The following STYXL1 variants were observed in gnomAD, a reference collection of about 807,000 sequenced individuals.
STYXL1 encodes the protein serine/threonine/tyrosine-interacting-like protein 1.
STYXL1 carries 32 observed loss-of-function variants against 36.4 expected under a neutral mutation model. The ratio of observed to expected loss-of-function variants is 0.88; its 90% CI spans 0.66 to 1.18. The LOEUF (loss-of-function observed/expected upper bound fraction) is 1.18. STYXL1 is among the 50% of genes most tolerant of loss of function. The probability of loss-of-function intolerance (pLI) is 0.00; values close to 1 mark genes in which losing one functional copy is unlikely to be tolerated. For missense variants in STYXL1, 354 were observed against 394.1 expected, an observed-to-expected ratio of 0.90 and a Z score of 0.86; for synonymous variants, 133 against 144.1, an observed-to-expected ratio of 0.92 and a Z score of 0.55.
intron 5 of STYXL1, among the ~76,000 whole-genome samples, chr7:76,010,868 G>A (rs781989861): frequency 5.1e-4 from 77 of 152,244 alleles, no homozygotes; most frequent in Admixed American, 1.0e-3. Context: ...ACATTAAACC[G>A]CCCTAGCTTC....
chr7:76,040,010 G>A (rs937943014), intron 1 of STYXL1, among the ~76,000 whole-genome samples: 1 of 152,132 alleles, frequency 6.6e-6, no homozygotes, highest in Non-Finnish European at 1.5e-5. Context: ...AGATCCAGCC[G>A]TCCACATCCC....
At chr7:76,015,563 T>C (rs1451732142) in intron 4 of STYXL1, among the ~76,000 whole-genome samples, 1 of 152,172 alleles carries the variant, frequency 6.6e-6, no homozygotes, top group Non-Finnish European at 1.5e-5. Flanking sequence ...CAAGAAAAAC[T>C]ACCAGAGTAA....
chr7:76,002,418 C>T (rs1005179189), intron 7 of STYXL1, among the ~76,000 whole-genome samples: 12 of 152,118 alleles, frequency 7.9e-5, no homozygotes, highest in South Asian at 2.1e-4. Context: ...TGAAGAAGGA[C>T]GCAGAGATGA....
chr7:76,021,238 T>C (rs1030908640), intron 4 of STYXL1, among the ~76,000 whole-genome samples: 25 of 152,206 alleles, frequency 1.6e-4, no homozygotes, highest in African/African-American at 3.9e-4. Context: ...CCTGCCACCA[T>C]GCCCGGCTAA....
In STYXL1 at chr7:75,996,461, GAGA is replaced by G. The variant is rs782555055; in HGVS notation, c.*4_*6del. 1.3e-5 allele frequency: 21 copies of G among 1,614,192 alleles called. 1 individual carries two copies. The highest frequency in any genetic ancestry group is 1.1e-5 in the Non-Finnish European group (13 of 1,180,024). On this transcript the variant is annotated 3_prime_UTR_variant, in exon 9 of 9. Coordinates refer to ENST00000359697, the MANE Select transcript of STYXL1 (RefSeq NM_001317785.2). ...CTTCAGTACCCTTCGGTGGGCCTCGGAGAAGATCAGTAGAGCGGATCCATGATG... is the reference window on the plus strand; with the variant it reads ...CTTCAGTACCCTTCGGTGGGCCTCGGAGATCAGTAGAGCGGATCCATGATG...
In STYXL1 at chr7:76,013,759, T is replaced by C; in HGVS notation, c.436A>G (p.Ile146Val). Reference protein sequence around the residue: ...GTYHFLRTQKIIWMPQELDAF... With the variant: ...GTYHFLRTQKVIWMPQELDAF... Reference sequence around the variant, plus strand: ...GGCCCTACCTGAGGCATCCAGATGATCTTCTGGGTCCGGAGAAAGTGGTAC... The same window carrying C: ...GGCCCTACCTGAGGCATCCAGATGACCTTCTGGGTCCGGAGAAAGTGGTAC... Residue 146 changes from isoleucine to valine, a missense_variant, in exon 5 of 9, where the codon ATC (isoleucine) becomes GTC (valine). By Grantham distance (29) the Ile-to-Val change is conservative. Coordinates refer to ENST00000359697, the MANE Select transcript of STYXL1 (RefSeq NM_001317785.2). The C allele has an allele frequency of 6.2e-7, 1 of 1,613,876 alleles. No homozygotes were observed. The highest frequency in any genetic ancestry group is 8.5e-7 in the Non-Finnish European group (1 of 1,179,922).
chr7:76,003,825 G>A lies in STYXL1; in HGVS notation c.630C>T (p.His210=). ...CTTCCGGGGAATCTTCTATCCGGAT[G>A]TGCAGAAGCTTGTCAGCATCGCCTG... ...FFAGDADKLL[H]IRIEDSPEAQ... is the part of the protein sequence containing the mutation. The change falls in exon 7 of 9, where the codon CAC becomes CAT. Residue 210 remains histidine, a synonymous_variant. Transcript: ENST00000359697. The A allele has an allele frequency of 1.2e-6, 2 of 1,614,236 alleles. No homozygotes were observed. Among genetic ancestry groups the A allele is most frequent in the African/African-American group, 1.3e-5 (1 of 75,064 alleles).
At chr7:76,019,927 C>CAAAAAAAA (rs58018497) in intron 4 of STYXL1, among the ~76,000 whole-genome samples, 1 of 82,344 alleles carries the variant, frequency 1.2e-5, no homozygotes. Context: ...GACCCTGACT[C>CAAAAAAAA]AAAAAAAAAA....
chr7:76,043,927 A>C (rs549066200), intron 1 of STYXL1: 1 of 152,346 alleles, frequency 6.6e-6, no homozygotes, highest in African/African-American at 2.4e-5. Context: ...TGTCCTAGTA[A>C]CCAGACACAA....
At chr7:76,018,673 T>A (rs1554574806) in intron 4 of STYXL1, among the ~76,000 whole-genome samples, 1 of 152,196 alleles carries the variant, frequency 6.6e-6, no homozygotes, top group Non-Finnish European at 1.5e-5. Context: ...TTACAGGCAT[T>A]ATTAGCCACA....
chr7:76,040,576 C>T (rs1173589243), intron 1 of STYXL1, among the ~76,000 whole-genome samples: 1 of 152,156 alleles, frequency 6.6e-6, no homozygotes. Flanking sequence ...CGGTGGCTCA[C>T]GCCTGCAATC....
intron 3 of STYXL1, among the ~76,000 whole-genome samples, chr7:76,022,520 C>T (rs1279030841): frequency 7.9e-5 from 12 of 151,996 alleles, no homozygotes; most frequent in African/African-American, 2.7e-4. Context: ...TACAAAAATG[C>T]CAGGCATAGT....
chr7:76,046,671 G>C (rs1221971396), intron 1 of STYXL1, among the ~76,000 whole-genome samples: 2 of 119,820 alleles, frequency 1.7e-5, no homozygotes, highest in Non-Finnish European at 3.4e-5. Context: ...TTTTGAGACA[G>C]AGTCTTTCTC....
chr7:76,047,999 G>C lies in STYXL1; in HGVS notation c.-342C>G. 1 of 1,497,608 alleles carries C rather than the reference G, an allele frequency of 6.7e-7. No homozygotes were observed. Among genetic ancestry groups the C allele is most frequent in the Non-Finnish European group, 8.9e-7 (1 of 1,124,598 alleles). The allele number at this position is 1,497,608 out of a possible 1,614,324, so 92.8% of individuals were successfully genotyped here. A position where few individuals can be genotyped will look rare whatever the true frequency, so the allele number is the denominator to read the frequency against. On this transcript the variant is annotated 5_prime_UTR_variant, in exon 1 of 9. Coordinates refer to ENST00000359697, the MANE Select transcript of STYXL1 (RefSeq NM_001317785.2). ...CAGCTTTCCTTTCCGACTCCCGGAAGTGGCCGTGATCTCACGAGATCCCGG... is the reference window on the plus strand; with the variant it reads ...CAGCTTTCCTTTCCGACTCCCGGAACTGGCCGTGATCTCACGAGATCCCGG...
intron 1 of STYXL1, among the ~76,000 whole-genome samples, chr7:76,039,945 C>T (rs1554581801): frequency 1.3e-5 from 2 of 152,324 alleles, no homozygotes; most frequent in South Asian, 2.1e-4. Flanking sequence ...CGGCGCCTGG[C>T]CTCCATCGCT....
At chr7:76,000,630 C>G (rs1790779198) in intron 8 of STYXL1, 1 of 576,796 alleles carries the variant, frequency 1.7e-6, no homozygotes, top group Non-Finnish European at 3.3e-6. Flanking sequence ...GGTGGACGGC[C>G]TGACAGCAGT....
chr7:76,014,531 T>A (rs1175645987), intron 4 of STYXL1, among the ~76,000 whole-genome samples: 1 of 151,802 alleles, frequency 6.6e-6, no homozygotes, highest in Non-Finnish European at 1.5e-5. Context: ...TTTGTATTGT[T>A]TTGTAGAGAC....
At chr7:76,002,277 A>T (rs1248903190) in intron 7 of STYXL1, among the ~76,000 whole-genome samples, 1 of 152,152 alleles carries the variant, frequency 6.6e-6, no homozygotes, top group Non-Finnish European at 1.5e-5. Flanking sequence ...TATCAGCTCT[A>T]ATCACAGCAC....
chr7:76,004,341 C>A (rs1175886597), intron 6 of STYXL1, among the ~76,000 whole-genome samples: 1 of 152,138 alleles, frequency 6.6e-6, no homozygotes, highest in Admixed American at 6.5e-5. Flanking sequence ...CTTATGTACC[C>A]GCCTTGGCCT....
Sources: allele counts gnomAD v4.1 joint callset (sites outside exome capture counted in the v4.1 genomes callset), GRCh38; gene constraint gnomAD v4.1.1; transcripts MANE v1.5; gene names NCBI Gene and HGNC (gene_info 2026-07-23, HGNC 2026-07-21).